The following DOCK5 variants were observed in gnomAD, a reference collection of about 807,000 sequenced individuals.
The protein encoded by DOCK5 is dedicator of cytokinesis 5, also known as dedicator of cytokinesis protein 5.
DOCK5 carries 142 observed loss-of-function variants against 251.8 expected under a neutral mutation model. The ratio of observed to expected loss-of-function variants is 0.56; its 90% CI spans 0.49 to 0.65. DOCK5 has a LOEUF of 0.65. Among genes scored for constraint, DOCK5 ranks in the 30% least tolerant of loss-of-function variants. DOCK5 has a pLI of 0.00. For missense variants in DOCK5, 2,111 were observed against 2,312.3 expected, an observed-to-expected ratio of 0.91 and a Z score of 1.79; for synonymous variants, 842 against 835.5, an observed-to-expected ratio of 1.01 and a Z score of -0.13.
At chr8:25,223,609 C>T (rs548936825) in intron 1 of DOCK5, among the ~76,000 whole-genome samples, 14 of 152,332 alleles carry the variant, frequency 9.2e-5, no homozygotes, top group Non-Finnish European at 1.5e-4. Context: ...GCCACTGCTT[C>T]TGGGACTGGC....
chr8:25,206,049 G>A (rs1801992916), intron 1 of DOCK5, among the ~76,000 whole-genome samples: 1 of 152,194 alleles, frequency 6.6e-6, no homozygotes, highest in Non-Finnish European at 1.5e-5. Context: ...GGAGTTTAGA[G>A]AAGCAGAGAT....
At chr8:25,288,474 C>T (rs1007901091) in intron 5 of DOCK5, among the ~76,000 whole-genome samples, 25 of 152,128 alleles carry the variant, frequency 1.6e-4, no homozygotes, top group African/African-American at 5.8e-4. Flanking sequence ...CTGGTATGGA[C>T]GGGCAATAAT....
At chr8:25,320,372 C>T (rs2117199460) in intron 15 of DOCK5, among the ~76,000 whole-genome samples, 1 of 152,274 alleles carries the variant, frequency 6.6e-6, no homozygotes, top group Middle Eastern at 3.4e-3. Flanking sequence ...TTGAATGATG[C>T]TGTTGATACA....
intron 37 of DOCK5, chr8:25,376,501 T>C (rs1399341299): frequency 4.1e-6 from 2 of 485,660 alleles, no homozygotes; most frequent in Non-Finnish European, 5.3e-6. Flanking sequence ...GATAGTGTGT[T>C]TTATGACCTG....
chr8:25,398,971 GTC>G (rs1304521365), intron 45 of DOCK5, among the ~76,000 whole-genome samples: 5 of 152,144 alleles, frequency 3.3e-5, no homozygotes, highest in Admixed American at 6.5e-5. Flanking sequence ...ACTTTTATAA[GTC>G]TGTCCTGTAG....
intron 32 of DOCK5, 74 bp downstream of exon 32, chr8:25,368,324 T>A (rs758914506): frequency 2.2e-5 from 31 of 1,391,102 alleles, no homozygotes; most frequent in Admixed American, 1.3e-4. Context: ...GTCTTTTTTT[T>A]ATTTTAATCC....
intron 27 of DOCK5, among the ~76,000 whole-genome samples, chr8:25,356,157 G>A (rs1365013313): frequency 6.6e-6 from 1 of 152,052 alleles, no homozygotes; most frequent in Non-Finnish European, 1.5e-5. Flanking sequence ...CTGAGATCGC[G>A]CCACTGCACT....
intron 15 of DOCK5, among the ~76,000 whole-genome samples, chr8:25,319,895 G>C (rs760850929): frequency 3.3e-5 from 5 of 152,310 alleles, no homozygotes; most frequent in Non-Finnish European, 4.4e-5. Context: ...CAAAGCTTGT[G>C]GTTGACGTGA....
intron 13 of DOCK5, among the ~76,000 whole-genome samples, chr8:25,313,152 C>T (rs550731747): frequency 1.1e-4 from 16 of 152,270 alleles, no homozygotes; most frequent in African/African-American, 3.6e-4. Context: ...CCCATCACCA[C>T]GTGAACTCGT....
At chr8:25,322,427 T>C (rs1268437858) in intron 16 of DOCK5, among the ~76,000 whole-genome samples, 3 of 152,186 alleles carry the variant, frequency 2.0e-5, no homozygotes, top group Admixed American at 2.0e-4. Flanking sequence ...GAAGTGTGTT[T>C]GGAGAACCAA....
intron 1 of DOCK5, among the ~76,000 whole-genome samples, chr8:25,190,010 C>T (rs1322484705): frequency 2.6e-5 from 4 of 152,212 alleles, no homozygotes; most frequent in African/African-American, 9.6e-5. Flanking sequence ...CCTCAGCCTC[C>T]TGAGTAGCTG....
chr8:25,384,942 T>TA (rs934954150), intron 40 of DOCK5, among the ~76,000 whole-genome samples: 29 of 151,734 alleles, frequency 1.9e-4, no homozygotes, highest in African/African-American at 4.8e-4. Flanking sequence ...CAAAATAAAA[T>TA]AAAAAAAATC....
intron 48 of DOCK5, among the ~76,000 whole-genome samples, chr8:25,405,780 A>G (rs912237017): frequency 9.2e-5 from 14 of 152,064 alleles, no homozygotes; most frequent in Non-Finnish European, 4.4e-5. Flanking sequence ...GTTCAAATTT[A>G]AAATATTTGA....
intron 47 of DOCK5, 43 bp from the exon 48 acceptor site, chr8:25,403,511 GGGCT>G: frequency 2.5e-6 from 4 of 1,600,428 alleles, no homozygotes; most frequent in Non-Finnish European, 3.4e-6. Context: ...CAGTTCATAG[GGGCT>G]GGATTCCAGG....
At chr8:25,208,551 A>G (rs575442946) in intron 1 of DOCK5, among the ~76,000 whole-genome samples, 39 of 152,370 alleles carry the variant, frequency 2.6e-4, no homozygotes, top group African/African-American at 9.4e-4. Flanking sequence ...CCAAAAAATT[A>G]AGAGTCCTTG....
chr8:25,357,536 C>T (rs1800598961), intron 27 of DOCK5, among the ~76,000 whole-genome samples: 1 of 151,718 alleles, frequency 6.6e-6, no homozygotes, highest in African/African-American at 2.4e-5. Context: ...CACCACCATG[C>T]CTGGCTAATT....
At chr8:25,203,744 G>C (rs903437268) in intron 1 of DOCK5, among the ~76,000 whole-genome samples, 1 of 152,164 alleles carries the variant, frequency 6.6e-6, no homozygotes, top group Non-Finnish European at 1.5e-5. Context: ...GAATCTGTCA[G>C]GGAGGACATA....
At chr8:25,389,985 G>GAA (rs5890226) in intron 41 of DOCK5, among the ~76,000 whole-genome samples, 258 of 144,460 alleles carry the variant, frequency 1.8e-3, no homozygotes, top group Middle Eastern at 3.6e-3. Context: ...ATGTCTGACC[G>GAA]AAAAAAAAAA....
intron 1 of DOCK5, among the ~76,000 whole-genome samples, chr8:25,226,415 ACCATGCCTAG>A (rs1449775621): frequency 6.6e-6 from 1 of 151,530 alleles, no homozygotes; most frequent in East Asian, 1.9e-4. Flanking sequence ...GGCTCGTGCC[ACCATGCCTAG>A]CTAATTTTTT....
Sources: gnomAD v4.1 joint callset for allele counts (sites outside exome capture counted in the v4.1 genomes callset) on GRCh38, gnomAD v4.1.1 for gene constraint, MANE v1.5 for transcripts, NCBI Gene and HGNC (gene_info 2026-07-23, HGNC 2026-07-21) for gene names.